TFEC: variants seen among roughly 807,000 people sequenced by gnomAD.
TFEC encodes transcription factor EC, also known as class E basic helix-loop-helix protein 34.
In TFEC, 31 loss-of-function variants were observed where a neutral mutation model predicts 41.6. The observed-to-expected ratio is 0.74, with a 90% CI of 0.56 to 1.01. The LOEUF (loss-of-function observed/expected upper bound fraction) is 1.01, where lower values mean the gene tolerates loss of function less well. Among genes scored for constraint, TFEC ranks in the 50% least tolerant of loss-of-function variants. TFEC has a pLI of 0.00. For synonymous variants in TFEC, 143 were observed against 140.6 expected, an observed-to-expected ratio of 1.02 and a Z score of -0.12; for missense variants, 402 against 404.1, an observed-to-expected ratio of 0.99 and a Z score of 0.04.
chr7:116,103,279 C>T (rs1429280958), intron 3 of TFEC, among the ~76,000 whole-genome samples: 3 of 152,122 alleles, frequency 2.0e-5, no homozygotes, highest in Admixed American at 6.6e-5. Flanking sequence ...CCAACCAAGA[C>T]ACCAGAAAGT....
At chr7:115,967,732 G>C (rs1792929001) in intron 3 of TFEC, among the ~76,000 whole-genome samples, 1 of 151,674 alleles carries the variant, frequency 6.6e-6, no homozygotes, top group South Asian at 2.1e-4. Context: ...TTATAATATA[G>C]TGGCAGATTA....
intron 3 of TFEC, 54 bp from the exon 4 acceptor site, chr7:115,956,847 A>C (rs529958186): frequency 1.9e-6 from 2 of 1,072,938 alleles, no homozygotes; most frequent in Non-Finnish European, 2.6e-6. Context: ...GCAAATTGAT[A>C]TATTTAGTTA....
intron 6 of TFEC, 139 bp downstream of exon 6, chr7:115,950,735 A>G (rs977934258): frequency 1.8e-6 from 1 of 563,304 alleles, no homozygotes; most frequent in African/African-American, 1.9e-5. Context: ...ACATTTTAAA[A>G]TGAGCCCAGC....
At chr7:116,144,676 C>A (rs1798607959) in intron 1 of TFEC, among the ~76,000 whole-genome samples, 1 of 152,124 alleles carries the variant, frequency 6.6e-6, no homozygotes, top group Admixed American at 6.5e-5. Flanking sequence ...CATCAGTAGA[C>A]TTTGAATAAA....
intron 3 of TFEC, among the ~76,000 whole-genome samples, chr7:116,074,942 G>C (rs1040189663): frequency 6.6e-6 from 1 of 152,054 alleles, no homozygotes; most frequent in East Asian, 1.9e-4. Flanking sequence ...CAATAAAAAC[G>C]AATGAAAATG....
At chr7:115,998,776 A>T (rs952594066) in intron 1 of TFEC, among the ~76,000 whole-genome samples, 1 of 152,016 alleles carries the variant, frequency 6.6e-6, no homozygotes, top group Non-Finnish European at 1.5e-5. Context: ...CAGTAAGAAG[A>T]TATAACAATT....
At chr7:116,105,119 C>T (rs1409019384) in intron 3 of TFEC, among the ~76,000 whole-genome samples, 1 of 152,018 alleles carries the variant, frequency 6.6e-6, no homozygotes, top group African/African-American at 2.4e-5. Context: ...AATGCCAATG[C>T]TGGAAAAAGG....
intron 3 of TFEC, among the ~76,000 whole-genome samples, chr7:116,069,190 A>T (rs779876607): frequency 4.2e-5 from 6 of 141,262 alleles, no homozygotes; most frequent in African/African-American, 7.4e-5. Flanking sequence ...AAAATAAGAT[A>T]AAAAAACTCT....
intron 3 of TFEC, among the ~76,000 whole-genome samples, chr7:116,100,198 T>A (rs1205263853): frequency 6.6e-6 from 1 of 152,194 alleles, no homozygotes; most frequent in African/African-American, 2.4e-5. Flanking sequence ...GAACCAAGCC[T>A]TAAACCACTA....
intron 3 of TFEC, 53 bp downstream of exon 3, chr7:115,974,117 C>A: frequency 1.4e-6 from 2 of 1,394,888 alleles, no homozygotes; most frequent in African/African-American, 1.5e-5. Flanking sequence ...TTTTTATTAT[C>A]AGAGTGTATT....
At chr7:115,959,435 G>A (rs929071406) in intron 3 of TFEC, among the ~76,000 whole-genome samples, 3 of 151,678 alleles carry the variant, frequency 2.0e-5, no homozygotes, top group African/African-American at 7.3e-5. Flanking sequence ...TGAAGTCATA[G>A]GGACTGAAAC....
At chr7:116,133,947 A>T (rs1033175508) in intron 1 of TFEC, among the ~76,000 whole-genome samples, 2 of 152,190 alleles carry the variant, frequency 1.3e-5, no homozygotes, top group African/African-American at 4.8e-5. Context: ...ACAAAAAAAA[A>T]TTAGATCAAC....
At chr7:116,087,470 A>G (rs998215657) in intron 3 of TFEC, among the ~76,000 whole-genome samples, 1 of 152,050 alleles carries the variant, frequency 6.6e-6, no homozygotes, top group Non-Finnish European at 1.5e-5. Flanking sequence ...AAATGTGTGT[A>G]ATAGACAACC....
intron 1 of TFEC, among the ~76,000 whole-genome samples, chr7:116,122,924 G>C (rs185925241): frequency 1.3e-5 from 2 of 152,154 alleles, no homozygotes; most frequent in Non-Finnish European, 2.9e-5. Flanking sequence ...TTCTCCCTTA[G>C]AGCAGTGCCC....
chr7:115,963,323 T>G (rs1336210395), intron 3 of TFEC, among the ~76,000 whole-genome samples: 1 of 151,686 alleles, frequency 6.6e-6, no homozygotes, highest in Non-Finnish European at 1.5e-5. Flanking sequence ...AAAGAAAAAT[T>G]GAGGAGTGCT....
chr7:116,065,770 T>C (rs563809018), intron 3 of TFEC, among the ~76,000 whole-genome samples: 2 of 152,244 alleles, frequency 1.3e-5, no homozygotes, highest in Admixed American at 6.6e-5. Flanking sequence ...ATATCAAATA[T>C]AGACTTTTAA....
At chr7:116,138,610 A>C (rs1798480770) in intron 1 of TFEC, among the ~76,000 whole-genome samples, 1 of 152,244 alleles carries the variant, frequency 6.6e-6, no homozygotes, top group Admixed American at 6.5e-5. Context: ...TTTAAGAAGC[A>C]ATTAAAGAAC....
At chr7:116,143,291 T>G (rs770807301) in intron 1 of TFEC, among the ~76,000 whole-genome samples, 2 of 152,128 alleles carry the variant, frequency 1.3e-5, no homozygotes, top group African/African-American at 4.8e-5. Context: ...TTTGGACTAT[T>G]CACACAAGAG....
At chr7:115,999,842 A>G (rs1794517795) in intron 1 of TFEC, among the ~76,000 whole-genome samples, 1 of 67,426 alleles carries the variant, frequency 1.5e-5, no homozygotes, top group Middle Eastern at 6.1e-3. Flanking sequence ...TAAGTCTCCT[A>G]GCAAAAAAAA....
Sources: allele counts gnomAD v4.1 joint callset (sites outside exome capture counted in the v4.1 genomes callset), GRCh38; gene constraint gnomAD v4.1.1; transcripts MANE v1.5; gene names NCBI Gene and HGNC (gene_info 2026-07-23, HGNC 2026-07-21).